The following MYRIP variants were observed in gnomAD, a reference collection of about 807,000 sequenced individuals.
MYRIP encodes the protein rab effector MyRIP.
A neutral mutation model predicts 98.0 loss-of-function variants in MYRIP; 49 were observed. That is an observed-to-expected ratio of 0.50 (90% CI 0.40 to 0.63). The LOEUF is 0.63. MYRIP is among the 30% of genes least tolerant of loss of function. The pLI, the probability that MYRIP is intolerant of heterozygous loss-of-function variation, is 0.00. For synonymous variants in MYRIP, 404 were observed against 409.5 expected, an observed-to-expected ratio of 0.99 and a Z score of 0.16; for missense variants, 1,004 against 1,058.2, an observed-to-expected ratio of 0.95 and a Z score of 0.71.
At chr3:39,828,030 C>T (rs1378008855) in intron 1 of MYRIP, among the ~76,000 whole-genome samples, 1 of 151,854 alleles carries the variant, frequency 6.6e-6, no homozygotes, top group African/African-American at 2.4e-5. Context: ...TTGTCTTAGA[C>T]TTTTGACAGT....
At position 40,169,811 on chromosome 3, in the gene MYRIP, G is replaced by A. The variant is rs1559432156; in HGVS notation, c.730-139G>A. On this transcript the variant is annotated intron_variant, in intron 7 of 16. Transcript: ENST00000302541. ...AATTGTGCTGGTTTCTCATAGCGCA[G>A]ATCTGAAACAGCCTGGTGTTCTGTT... 11 of 931,354 alleles carry A rather than the reference G, an allele frequency of 1.2e-5. No individual in the cohort carries two copies. The East Asian group carries it at 1.3e-4, about 11-fold the overall frequency. 57.7% of individuals were successfully genotyped at this position (931,354 alleles called of 1,614,324 possible).
chr3:40,252,099 A>G (rs1953394431), intron 16 of MYRIP, 100 bp downstream of exon 16: 1 of 889,382 alleles, frequency 1.1e-6, no homozygotes, highest in Admixed American at 2.4e-5. Context: ...GAACCCCCAA[A>G]AAGTATCCTT....
intron 4 of MYRIP, among the ~76,000 whole-genome samples, chr3:40,161,346 C>G (rs1313274811): frequency 6.6e-6 from 1 of 152,214 alleles, no homozygotes; most frequent in Non-Finnish European, 1.5e-5. Context: ...GGCTTGTCCT[C>G]TGGTGAGGTC....
chr3:40,043,969 G>C (rs564740284), intron 2 of MYRIP, 81 bp from the exon 3 acceptor site: 69 of 1,334,350 alleles, frequency 5.2e-5, no homozygotes, highest in Non-Finnish European at 6.8e-5. Context: ...GGAGGGACAG[G>C]GTGCATGCTT....
chr3:39,926,766 T>C (rs1021829580), intron 2 of MYRIP, among the ~76,000 whole-genome samples: 1 of 151,954 alleles, frequency 6.6e-6, no homozygotes, highest in Non-Finnish European at 1.5e-5. Context: ...AATTGGGTAA[T>C]GTGATGTCTT....
At chr3:39,989,319 G>A (rs938301768) in intron 2 of MYRIP, among the ~76,000 whole-genome samples, 2 of 152,116 alleles carry the variant, frequency 1.3e-5, no homozygotes, top group South Asian at 2.1e-4. Context: ...CTGGGGGTTC[G>A]CTTCAGGCCC....
intron 1 of MYRIP, among the ~76,000 whole-genome samples, chr3:39,831,600 A>G (rs1183732093): frequency 6.6e-6 from 1 of 152,162 alleles, no homozygotes; most frequent in Non-Finnish European, 1.5e-5. Context: ...ATCATGGCAC[A>G]TGTCAATTTA....
rs1361642548 is a variant in MYRIP at position 39,889,006 on chromosome 3, G to A, written c.-30-11781G>A. ...ACCATCTCACACCAGTTATAATGGC[G>A]ATCATTAAAAAGTCAGGAAACAACA... On this transcript the variant is annotated intron_variant, in intron 1 of 16. Coordinates refer to ENST00000302541, the MANE Select transcript of MYRIP (RefSeq NM_015460.4). Among the ~76,000 whole-genome samples, 56 of 152,158 alleles carry A rather than the reference G, an allele frequency of 3.7e-4. 1 individual carries two copies. Among genetic ancestry groups the A allele is most frequent in the South Asian group, 2.9e-3 (14 of 4,816 alleles).
chr3:40,020,642 C>G (rs1226489705), intron 2 of MYRIP, among the ~76,000 whole-genome samples: 1 of 152,170 alleles, frequency 6.6e-6, no homozygotes, highest in African/African-American at 2.4e-5. Flanking sequence ...CGTATGGGTA[C>G]AGAATATCAG....
intron 1 of MYRIP, among the ~76,000 whole-genome samples, chr3:39,823,018 C>CTTTTT (rs35819968): frequency 1.6e-5 from 2 of 123,302 alleles, no homozygotes; most frequent in South Asian, 2.7e-4. Context: ...TCTTTTCTTC[C>CTTTTT]TTTTTTTTTT....
chr3:40,025,568 A>G (rs911492846), intron 2 of MYRIP, among the ~76,000 whole-genome samples: 6 of 152,188 alleles, frequency 3.9e-5, no homozygotes, highest in African/African-American at 1.4e-4. Flanking sequence ...GAAGTATTCC[A>G]TGAGGTATTG....
intron 2 of MYRIP, among the ~76,000 whole-genome samples, chr3:40,026,777 A>C (rs555106438): frequency 6.6e-6 from 1 of 152,270 alleles, no homozygotes; most frequent in Admixed American, 6.5e-5. Context: ...AGCCAAATCC[A>C]GTGGATATAT....
At chr3:39,983,096 A>G (rs138328400) in intron 2 of MYRIP, among the ~76,000 whole-genome samples, 1 of 152,380 alleles carries the variant, frequency 6.6e-6, no homozygotes, top group African/African-American at 2.4e-5. Flanking sequence ...GGCTTAATCC[A>G]TAACCAAATA....
chr3:40,051,639 A>T (rs938487679), intron 3 of MYRIP, among the ~76,000 whole-genome samples: 4 of 152,118 alleles, frequency 2.6e-5, no homozygotes, highest in African/African-American at 9.7e-5. Context: ...ACACAGAACA[A>T]TTTGGAAAAT....
intron 11 of MYRIP, among the ~76,000 whole-genome samples, chr3:40,223,284 A>G (rs1224840191): frequency 6.6e-6 from 1 of 152,218 alleles, no homozygotes; most frequent in Non-Finnish European, 1.5e-5. Flanking sequence ...AGAAATGTTT[A>G]GAAAAAATAA....
chr3:39,829,678 A>G (rs1941381615), intron 1 of MYRIP, among the ~76,000 whole-genome samples: 2 of 152,180 alleles, frequency 1.3e-5, no homozygotes, highest in Non-Finnish European at 2.9e-5. Context: ...TATTCTGGCC[A>G]GGGACACTGT....
At chr3:40,126,236 C>T (rs898620766) in intron 3 of MYRIP, among the ~76,000 whole-genome samples, 27 of 152,198 alleles carry the variant, frequency 1.8e-4, no homozygotes, top group African/African-American at 6.5e-4. Flanking sequence ...CCCATCCAGA[C>T]CTCCTGAATC....
chr3:39,965,157 A>G (rs1466177002), intron 2 of MYRIP, among the ~76,000 whole-genome samples: 2 of 152,068 alleles, frequency 1.3e-5, no homozygotes, highest in African/African-American at 2.4e-5. Flanking sequence ...ATTTGTGAAC[A>G]TGTTACATAT....
Position 40,190,005 on chromosome 3 carries a change from T to G in MYRIP, c.1207T>G (p.Trp403Gly). Residue 403 changes from tryptophan to glycine, a missense_variant, in exon 10 of 17, where the codon TGG becomes GGG. By Grantham distance (184) the Trp-to-Gly change is radical (BLOSUM62 -2). Around this residue, in one of 3 missense-constraint regions of MYRIP, gnomAD observed 880 missense variants for 907.7 expected, o/e 0.97. Coordinates refer to ENST00000302541, the MANE Select transcript of MYRIP (RefSeq NM_015460.4). ...CTCCGATAGCGAGGAAGACTTTGAC[T>G]GGAGTGAGGCCTTGAGCAAGCTGTG... The part of the protein sequence containing the change: ...MGSDSEEDFD[W>G]SEALSKLCPR... The G allele has an allele frequency of 6.2e-7, 1 of 1,614,078 alleles. No individual in the cohort carries two copies. Among genetic ancestry groups the G allele is most frequent in the Non-Finnish European group, 8.5e-7 (1 of 1,180,012 alleles).
Sources: gnomAD v4.1 joint callset for allele counts (sites outside exome capture counted in the v4.1 genomes callset) on GRCh38, gnomAD v4.1.1 for gene constraint, gnomAD v4.1.1 regional missense constraint, MANE v1.5 for transcripts, NCBI Gene and HGNC (gene_info 2026-07-23, HGNC 2026-07-21) for gene names.